The following MXI1 variants were observed in gnomAD, a reference collection of about 807,000 sequenced individuals.
MXI1 encodes max-interacting protein 1.
In MXI1, 18 loss-of-function variants were observed where a neutral mutation model predicts 36.9. The observed-to-expected ratio is 0.49, with a 90% confidence interval of 0.34 to 0.72. The LOEUF (loss-of-function observed/expected upper bound fraction) is 0.72. Among genes scored for constraint, MXI1 ranks in the 30% least tolerant of loss-of-function variants. MXI1 has a pLI of 0.01. For missense variants in MXI1, 304 were observed against 379.1 expected, an observed-to-expected ratio of 0.80 and a Z score of 1.64; for synonymous variants, 160 against 146.7, an observed-to-expected ratio of 1.09 and a Z score of -0.65.
chr10:110,265,245 A>G (rs17127194), intron 3 of MXI1, among the ~76,000 whole-genome samples: 9,925 of 152,206 alleles, frequency 0.065, 1,006 homozygotes, highest in African/African-American at 0.22. Context: ...ATAAAGTACA[A>G]TTTGGCTCCT....
chr10:110,250,424 A>G (rs573534113), intron 3 of MXI1, among the ~76,000 whole-genome samples: 18 of 152,314 alleles, frequency 1.2e-4, no homozygotes, highest in Non-Finnish European at 1.9e-4. Flanking sequence ...GGCTTATCTT[A>G]CAGTTTGGGT....
intron 3 of MXI1, among the ~76,000 whole-genome samples, chr10:110,256,411 C>G (rs1856294350): frequency 1.3e-5 from 2 of 151,484 alleles, no homozygotes; most frequent in Non-Finnish European, 2.9e-5. Context: ...CAAGACCAGC[C>G]TGACTAACAT....
chr10:110,279,436 C>A, intron 4 of MXI1, 142 bp downstream of exon 4: 1 of 683,666 alleles, frequency 1.5e-6, no homozygotes, highest in Admixed American at 2.7e-5. Context: ...TAAAAACTTA[C>A]CAGCTAATCT....
At chr10:110,278,296 C>T (rs1857107954) in intron 3 of MXI1, among the ~76,000 whole-genome samples, 1 of 152,088 alleles carries the variant, frequency 6.6e-6, no homozygotes, top group African/African-American at 2.4e-5. Flanking sequence ...GGAGAAATTT[C>T]CCTCAACTTT....
chr10:110,218,457 A>G (rs1854713369), intron 1 of MXI1, among the ~76,000 whole-genome samples: 3 of 152,158 alleles, frequency 2.0e-5, no homozygotes, highest in South Asian at 4.2e-4. Context: ...CTCAAAAAAA[A>G]AAAAAAGATT....
intron 3 of MXI1, among the ~76,000 whole-genome samples, chr10:110,251,785 A>G (rs1312127548): frequency 6.6e-6 from 1 of 152,158 alleles, no homozygotes; most frequent in Non-Finnish European, 1.5e-5. Context: ...CAGTGTGAGT[A>G]GAGCCATGGA....
At chr10:110,213,922 G>A (rs1331013533) in intron 1 of MXI1, among the ~76,000 whole-genome samples, 6 of 152,186 alleles carry the variant, frequency 3.9e-5, no homozygotes, top group African/African-American at 1.2e-4. Context: ...ACAATTTATT[G>A]AACACTGACT....
intron 1 of MXI1, among the ~76,000 whole-genome samples, chr10:110,225,697 C>T (rs1407756458): frequency 2.0e-5 from 3 of 152,204 alleles, no homozygotes; most frequent in African/African-American, 7.2e-5. Context: ...TCGCTCAAAT[C>T]CTTCCCATTC....
intron 1 of MXI1, among the ~76,000 whole-genome samples, chr10:110,212,720 A>G (rs888886843): frequency 6.6e-6 from 1 of 152,232 alleles, no homozygotes; most frequent in African/African-American, 2.4e-5. Context: ...TAACAATAGT[A>G]TGACCCTCAT....
At chr10:110,230,399 A>T (rs1034176319) in intron 2 of MXI1, among the ~76,000 whole-genome samples, 1 of 152,192 alleles carries the variant, frequency 6.6e-6, no homozygotes, top group Non-Finnish European at 1.5e-5. Context: ...CAAGCATGCC[A>T]TATTGTTCTG....
chr10:110,222,361 A>G (rs1489337718), intron 1 of MXI1, among the ~76,000 whole-genome samples: 1 of 152,188 alleles, frequency 6.6e-6, no homozygotes, highest in Non-Finnish European at 1.5e-5. Context: ...TGGACTTGTA[A>G]CTTAACCTCA....
At chr10:110,216,724 T>C (rs940303266) in intron 1 of MXI1, among the ~76,000 whole-genome samples, 2 of 132,824 alleles carry the variant, frequency 1.5e-5, no homozygotes, top group Non-Finnish European at 3.1e-5. Flanking sequence ...GCTAGTACAG[T>C]GGCACAATCT....
chr10:110,251,314 C>T lies in MXI1; in HGVS notation c.437+6457C>T, dbSNP rs541432184. The stretch of plus-strand genomic sequence containing the variant: ...TTTTTGATCATGAATATGAGAGTTA[C>T]GGTTAATATCAATCTTTCAGCAACA... On this transcript the variant is annotated intron_variant, in intron 3 of 5. Transcript: ENST00000332674. Among the ~76,000 whole-genome samples, 7 of 152,140 alleles carry T rather than the reference C, an allele frequency of 4.6e-5. No homozygotes were observed. In the South Asian group the frequency reaches 6.2e-4, roughly 14 times the overall value.
intron 1 of MXI1, among the ~76,000 whole-genome samples, chr10:110,210,866 C>T (rs906388407): frequency 3.9e-5 from 6 of 152,168 alleles, no homozygotes; most frequent in Non-Finnish European, 8.8e-5. Context: ...CACTGCGGGT[C>T]GCTCGGCGCG....
intron 3 of MXI1, among the ~76,000 whole-genome samples, chr10:110,261,432 T>A (rs1324336768): frequency 2.2e-5 from 3 of 139,006 alleles, no homozygotes; most frequent in Admixed American, 7.1e-5. Flanking sequence ...TCAAACCATT[T>A]TTTTTTTTTT....
chr10:110,239,286 A>G (rs918771886), intron 2 of MXI1, among the ~76,000 whole-genome samples: 3 of 152,198 alleles, frequency 2.0e-5, no homozygotes, highest in Non-Finnish European at 4.4e-5. Context: ...AATTGCTTAC[A>G]GTTGAGAACC....
chr10:110,281,469 T>C (rs868175280), intron 5 of MXI1, among the ~76,000 whole-genome samples: 7 of 152,206 alleles, frequency 4.6e-5, no homozygotes, highest in Admixed American at 1.3e-4. Flanking sequence ...AAAGGCCACA[T>C]TGCATTTGTT....
intron 3 of MXI1, among the ~76,000 whole-genome samples, chr10:110,259,422 A>G (rs1259486256): frequency 3.3e-5 from 5 of 152,086 alleles, no homozygotes; most frequent in African/African-American, 9.7e-5. Context: ...TTAAGGCAAT[A>G]TGTTATTTTG....
intron 1 of MXI1, 103 bp downstream of exon 1, chr10:110,208,185 CA>C (rs1181064897): frequency 4.9e-6 from 6 of 1,233,126 alleles, no homozygotes; most frequent in Non-Finnish European, 1.1e-6. Context: ...CCCCGCCCAA[CA>C]TACACATCCA....
Sources: allele counts gnomAD v4.1 joint callset (sites outside exome capture counted in the v4.1 genomes callset), GRCh38; gene constraint gnomAD v4.1.1; transcripts MANE v1.5; gene names NCBI Gene and HGNC (gene_info 2026-07-23, HGNC 2026-07-21).